The following CGGBP1 variants were observed in gnomAD, a reference collection of about 807,000 sequenced individuals.
CGGBP1 encodes CGG triplet repeat-binding protein 1.
CGGBP1 carries 4 observed loss-of-function variants against 11.4 expected under a neutral mutation model. The ratio of observed to expected loss-of-function variants is 0.35; its 90% confidence interval spans 0.17 to 0.80. CGGBP1 has a LOEUF of 0.80. Among genes scored for constraint, CGGBP1 ranks in the 30% least tolerant of loss-of-function variants. The probability of loss-of-function intolerance (pLI) is 0.52; values close to 1 mark genes in which losing one functional copy is unlikely to be tolerated. For missense variants in CGGBP1, 135 were observed against 202.1 expected, an observed-to-expected ratio of 0.67 and a Z score of 2.01; for synonymous variants, 76 against 74.1, an observed-to-expected ratio of 1.03 and a Z score of -0.13.
At chr3:88,079,274 C>T (rs1290028875) in intron 2 of CGGBP1, among the ~76,000 whole-genome samples, 2 of 151,958 alleles carry the variant, frequency 1.3e-5, no homozygotes, top group South Asian at 2.1e-4. Flanking sequence ...GGAACATCCA[C>T]ATTTTGGAGC....
chr3:88,119,955 C>T (rs1217347044), intron 2 of CGGBP1, among the ~76,000 whole-genome samples: 1 of 151,984 alleles, frequency 6.6e-6, no homozygotes, highest in East Asian at 1.9e-4. Flanking sequence ...GTAGCATGTA[C>T]ATTTATTACT....
intron 2 of CGGBP1, among the ~76,000 whole-genome samples, chr3:88,072,838 TAA>T (rs1707593432): frequency 6.6e-6 from 1 of 152,186 alleles, no homozygotes; most frequent in Non-Finnish European, 1.5e-5. Flanking sequence ...AAATAAACCC[TAA>T]AATAGGGAAA....
In CGGBP1 at chr3:88,140,253, T is replaced by C. The variant is rs781585825; in HGVS notation, c.-229+717A>G. 3.1e-6 allele frequency: 5 copies of C among 1,613,870 alleles called. No individual in the cohort carries two copies. The Admixed American group carries it at 8.3e-5, about 27-fold the overall frequency. ...GCTTTTTGAAGATCTTCCTCTGCTG[T>C]ATGAACATGAAGCTCAACACTATTT... is the stretch of plus-strand genomic sequence containing the variant. On this transcript the variant is annotated intron_variant, in intron 2 of 3. Transcript: ENST00000462901.
chr3:88,094,872 A>G (rs900628774), intron 2 of CGGBP1, among the ~76,000 whole-genome samples: 2 of 151,992 alleles, frequency 1.3e-5, no homozygotes, highest in African/African-American at 4.8e-5. Context: ...TTTACTGTGG[A>G]ATGAAGAAAA....
intron 1 of CGGBP1, chr3:88,142,435 A>G (rs1707178120): frequency 6.6e-6 from 1 of 152,394 alleles, no homozygotes. Context: ...CTGGGGAGAG[A>G]TGAAAGGAAT....
chr3:88,134,549 C>G (rs1444202089), intron 2 of CGGBP1, among the ~76,000 whole-genome samples: 1 of 151,960 alleles, frequency 6.6e-6, no homozygotes, highest in East Asian at 1.9e-4. Context: ...TGGTCCATAA[C>G]CTGTCTGTTT....
chr3:88,095,853 C>T, intron 2 of CGGBP1: 1 of 459,202 alleles, frequency 2.2e-6, no homozygotes, highest in South Asian at 1.7e-5. Context: ...AAAGCCTTTC[C>T]ACTTCAGCAG....
chr3:88,094,104 C>CT (rs11449650), intron 2 of CGGBP1, among the ~76,000 whole-genome samples: 113,551 of 147,858 alleles, frequency 0.77, 43,994 homozygotes, highest in South Asian at 0.89. Context: ...AGATAATATT[C>CT]TTTTTTTTTT....
chr3:88,058,529 G>T (rs1479103703), intron 1 of CGGBP1, among the ~76,000 whole-genome samples: 1 of 152,148 alleles, frequency 6.6e-6, no homozygotes, highest in Non-Finnish European at 1.5e-5. Context: ...AGCCCAGCAC[G>T]CCGGCGCCCA....
intron 2 of CGGBP1, among the ~76,000 whole-genome samples, chr3:88,084,876 G>C (rs933160600): frequency 6.6e-6 from 1 of 152,180 alleles, no homozygotes; most frequent in African/African-American, 2.4e-5. Flanking sequence ...TTTCATCACA[G>C]TTGAGGAACC....
At position 88,125,219 on chromosome 3, in the gene CGGBP1, AAAAAAAAC is replaced by A. The variant is rs575696430; in HGVS notation, c.-229+15743_-229+15750del. Among the ~76,000 whole-genome samples, 49 of 151,952 alleles carry A rather than the reference AAAAAAAAC, an allele frequency of 3.2e-4. 1 individual carries two copies. The South Asian group carries it at 6.4e-3, about 20-fold the overall frequency. On this transcript the variant is annotated intron_variant, in intron 2 of 3. Coordinates refer to the CGGBP1 transcript ENST00000462901. The stretch of plus-strand genomic sequence containing the variant: ...ATCAAAGTTAAGACTCCATCTCAAA[AAAAAAAAC>A]AAAAAAACAAAAAAAAACCAATATC...
intron 2 of CGGBP1, chr3:88,086,444 ATG>A: frequency 7.1e-7 from 1 of 1,405,680 alleles, no homozygotes; most frequent in African/African-American, 1.4e-5. Context: ...ATTTTTCTTG[ATG>A]TGTTTGAGAA....
At chr3:88,122,769 G>A (rs1705846875) in intron 2 of CGGBP1, among the ~76,000 whole-genome samples, 1 of 152,040 alleles carries the variant, frequency 6.6e-6, no homozygotes, top group Non-Finnish European at 1.5e-5. Flanking sequence ...CAGCACTTTG[G>A]GAAACCGAGG....
At chr3:88,067,140 T>G (rs1329394919) in intron 2 of CGGBP1, among the ~76,000 whole-genome samples, 1 of 152,232 alleles carries the variant, frequency 6.6e-6, no homozygotes, top group Non-Finnish European at 1.5e-5. Flanking sequence ...TATAAGGCAC[T>G]GGGGATACAG....
chr3:88,129,092 G>C, intron 2 of CGGBP1: 1 of 1,018,190 alleles, frequency 9.8e-7, no homozygotes, highest in Non-Finnish European at 1.4e-6. Context: ...GCCCACTGTT[G>C]TTGTTAAATT....
At chr3:88,149,424 G>A (rs1000826514) in intron 1 of CGGBP1, among the ~76,000 whole-genome samples, 2 of 152,260 alleles carry the variant, frequency 1.3e-5, no homozygotes, top group African/African-American at 4.8e-5. Flanking sequence ...GGCAAGAGAC[G>A]GTCCCGGCGT....
intron 2 of CGGBP1, chr3:88,086,118 A>T (rs2107661412): frequency 1.5e-6 from 1 of 653,934 alleles, no homozygotes; most frequent in East Asian, 2.7e-5. Context: ...AATAAACAGT[A>T]TAGAAGATCC....
exon 2 of CGGBP1, chr3:88,141,011 A>G: frequency 6.2e-7 from 1 of 1,610,748 alleles, no homozygotes; most frequent in East Asian, 2.2e-5. Flanking sequence ...CACAAAAGAA[A>G]TGTCAGACAC....
At chr3:88,097,116 C>T (rs1184369761) in intron 2 of CGGBP1, among the ~76,000 whole-genome samples, 2 of 152,054 alleles carry the variant, frequency 1.3e-5, no homozygotes, top group Non-Finnish European at 2.9e-5. Flanking sequence ...TTATCAACAA[C>T]CCTTTAATGA....
Sources: allele counts gnomAD v4.1 joint callset (sites outside exome capture counted in the v4.1 genomes callset), GRCh38; gene constraint gnomAD v4.1.1; transcripts MANE v1.5; gene names NCBI Gene and HGNC (gene_info 2026-07-23, HGNC 2026-07-21).